SRGAP2B: variants seen among roughly 807,000 people sequenced by gnomAD.
SRGAP2B encodes SLIT-ROBO Rho GTPase-activating protein 2B.
Under a neutral mutation model 22.2 loss-of-function variants are expected in SRGAP2B, and 9 were observed. That is an observed-to-expected ratio of 0.41 (90% CI 0.24 to 0.71). SRGAP2B has a LOEUF of 0.71. Ranked by LOEUF, SRGAP2B falls within the 30% of genes least tolerant of loss-of-function variation. The pLI, the probability that SRGAP2B is intolerant of heterozygous loss-of-function variation, is 0.35. For synonymous variants in SRGAP2B, 36 were observed against 87.4 expected, an observed-to-expected ratio of 0.41 and a Z score of 3.28; for missense variants, 114 against 235.8, an observed-to-expected ratio of 0.48 and a Z score of 3.38.
intron 3 of SRGAP2B, among the ~76,000 whole-genome samples, chr1:144,971,085 T>C (rs1292205763): frequency 6.7e-6 from 1 of 150,158 alleles, no homozygotes; most frequent in Middle Eastern, 3.2e-3. Context: ...AATAAACTTG[T>C]TTCATAAATT....
At chr1:144,920,063 T>C (rs1553604140) in intron 4 of SRGAP2B, among the ~76,000 whole-genome samples, 2 of 150,498 alleles carry the variant, frequency 1.3e-5, no homozygotes, top group Non-Finnish European at 2.9e-5. Flanking sequence ...AGAGTGCTGA[T>C]TGGTGCATTT....
At chr1:144,999,960 T>C (rs1430396169) in intron 2 of SRGAP2B, among the ~76,000 whole-genome samples, 1 of 150,366 alleles carries the variant, frequency 6.7e-6, no homozygotes, top group Admixed American at 6.6e-5. Flanking sequence ...TATATCTCAC[T>C]GAAAAAAACA....
At chr1:145,045,313 A>C (rs1332607660) in intron 2 of SRGAP2B, among the ~76,000 whole-genome samples, 11 of 143,412 alleles carry the variant, frequency 7.7e-5, no homozygotes, top group Admixed American at 4.9e-4. Flanking sequence ...AAAAAAAAAA[A>C]GAAAGAAAGA....
At chr1:145,011,346 A>G in intron 2 of SRGAP2B, among the ~76,000 whole-genome samples, 1 of 124,674 alleles carries the variant, frequency 8.0e-6, no homozygotes, top group East Asian at 2.4e-4. Context: ...CAGTCATAGG[A>G]TCTGTTTTCT....
chr1:145,058,108 G>A (rs1221490562), intron 2 of SRGAP2B, among the ~76,000 whole-genome samples: 1 of 149,752 alleles, frequency 6.7e-6, no homozygotes, highest in Non-Finnish European at 1.5e-5. Flanking sequence ...TTTAGAGGCA[G>A]ACTTTGGGAT....
chr1:144,978,657 AAAC>A (rs1408288194), intron 3 of SRGAP2B, among the ~76,000 whole-genome samples: 10 of 149,244 alleles, frequency 6.7e-5, no homozygotes, highest in Non-Finnish European at 1.2e-4. Flanking sequence ...AAAAAACAAA[AAAC>A]AACAACAACA....
chr1:144,985,562 T>G (rs1553615809), intron 3 of SRGAP2B, among the ~76,000 whole-genome samples: 2 of 150,348 alleles, frequency 1.3e-5, no homozygotes, highest in Non-Finnish European at 2.9e-5. Context: ...TGGGCCATAT[T>G]AACACAGATT....
In SRGAP2B at chr1:145,061,641, G is replaced by C. The variant is rs1228010392; in HGVS notation, c.67+31194C>G. On this transcript the variant is annotated intron_variant, in intron 2 of 9. Coordinates refer to ENST00000612199, the Ensembl canonical transcript of SRGAP2B. Reference sequence around the variant, plus strand: ...CTCACTCTGTCGCCCAGACTGGAGTGTAGTGGTGTGATCTCGGCTCACTGC... The same window carrying C: ...CTCACTCTGTCGCCCAGACTGGAGTCTAGTGGTGTGATCTCGGCTCACTGC... Among the ~76,000 whole-genome samples, 55 of 150,182 alleles carry C rather than the reference G, an allele frequency of 3.7e-4. 1 individual carries two copies. Among genetic ancestry groups the C allele is most frequent in the Admixed American group, 5.9e-4 (9 of 15,158 alleles).
At chr1:144,964,843 C>G (rs1667947445) in intron 3 of SRGAP2B, among the ~76,000 whole-genome samples, 1 of 151,040 alleles carries the variant, frequency 6.6e-6, no homozygotes, top group Non-Finnish European at 1.5e-5. Flanking sequence ...CGCTTGAGCC[C>G]AGGAGCTTGA....
Position 145,036,084 on chromosome 1 carries a change from C to T in SRGAP2B, c.68-40884G>A, listed in dbSNP as rs1553626600. Among the ~76,000 whole-genome samples, 2 of 138,516 alleles carry T rather than the reference C, an allele frequency of 1.4e-5. 1 individual carries two copies. The highest frequency in any genetic ancestry group is 4.3e-4 in the East Asian group (2 of 4,646). The allele number at this position is 138,516 out of a possible 152,430, so 90.9% of individuals were successfully genotyped here. ...CCACTAAGACACAACCACCCATTAC[C>T]AAAGAAGGCCTGCACATCATTCTGA... On this transcript the variant is annotated intron_variant, in intron 2 of 9. Coordinates refer to ENST00000612199, the Ensembl canonical transcript of SRGAP2B.
At chr1:145,013,897 T>G (rs1204565557) in intron 2 of SRGAP2B, among the ~76,000 whole-genome samples, 1 of 149,626 alleles carries the variant, frequency 6.7e-6, no homozygotes, top group Non-Finnish European at 1.5e-5. Context: ...GCCATGGTGG[T>G]TTTGCAACCA....
chr1:144,965,173 G>T (rs1372461666), intron 3 of SRGAP2B: 2 of 1,072,226 alleles, frequency 1.9e-6, no homozygotes, highest in Non-Finnish European at 2.9e-6. Context: ...CAAGATGGCC[G>T]AATAGGAACA....
chr1:144,941,523 C>G, intron 4 of SRGAP2B, among the ~76,000 whole-genome samples: 1 of 148,660 alleles, frequency 6.7e-6, no homozygotes, highest in South Asian at 2.1e-4. Flanking sequence ...GAAAACAAAA[C>G]AAAAAACCCC....
chr1:144,913,094 T>A (rs1338184956), intron 5 of SRGAP2B, among the ~76,000 whole-genome samples: 1 of 145,802 alleles, frequency 6.9e-6, no homozygotes, highest in Non-Finnish European at 1.5e-5. Flanking sequence ...CTTTCACTTA[T>A]TTTTTTTTTT....
At position 145,081,122 on chromosome 1, in the gene SRGAP2B, G is replaced by A. The variant is rs1363400969; in HGVS notation, c.67+11713C>T. Among the ~76,000 whole-genome samples the A allele has an allele frequency of 1.3e-5, 2 of 149,606 alleles. 1 individual carries two copies. The highest frequency in any genetic ancestry group is 3.0e-5 in the Non-Finnish European group (2 of 67,760). On this transcript the variant is annotated intron_variant, in intron 2 of 9. Coordinates refer to ENST00000612199, the Ensembl canonical transcript of SRGAP2B. Reference sequence around the variant, plus strand: ...CATTTCAGCTTCACACCAGTGTTAAGTCAGCTTAGGTTCATAATCTGTCCT... The same window carrying A: ...CATTTCAGCTTCACACCAGTGTTAAATCAGCTTAGGTTCATAATCTGTCCT...
intron 2 of SRGAP2B, among the ~76,000 whole-genome samples, chr1:145,009,185 A>C (rs1553621769): frequency 1.3e-5 from 2 of 148,584 alleles, no homozygotes. Context: ...TCAAAAAAAA[A>C]AAAAAAAACC....
At chr1:144,934,533 C>G (rs1397944113) in intron 4 of SRGAP2B, among the ~76,000 whole-genome samples, 20 of 147,320 alleles carry the variant, frequency 1.4e-4, no homozygotes, top group Admixed American at 7.4e-4. Context: ...AAAATGTAAA[C>G]CCTGCTTATT....
At chr1:144,965,266 G>T (rs1172081657) in intron 3 of SRGAP2B, 2 of 475,566 alleles carry the variant, frequency 4.2e-6, no homozygotes, top group African/African-American at 4.2e-5. Flanking sequence ...GAGAGCAGTG[G>T]TTCTCCCAGC....
At chr1:145,067,279 A>T (rs1473147517) in intron 2 of SRGAP2B, among the ~76,000 whole-genome samples, 1 of 146,246 alleles carries the variant, frequency 6.8e-6, no homozygotes, top group African/African-American at 2.6e-5. Context: ...ACAGAACAAG[A>T]CTCTGTCTAA....
Sources: allele counts gnomAD v4.1 joint callset (sites outside exome capture counted in the v4.1 genomes callset), GRCh38; gene constraint gnomAD v4.1.1; transcripts MANE v1.5; gene names NCBI Gene and HGNC (gene_info 2026-07-23, HGNC 2026-07-21).